RIMBP2: variants seen among roughly 807,000 people sequenced by gnomAD.
RIMBP2 encodes the protein RIMS-binding protein 2.
In RIMBP2, 48 loss-of-function variants were observed where a neutral mutation model predicts 118.6. The observed-to-expected ratio is 0.40, with a 90% CI of 0.32 to 0.51. The LOEUF (loss-of-function observed/expected upper bound fraction) is 0.51, where lower values mean the gene tolerates loss of function less well. Among genes scored for constraint, RIMBP2 ranks in the 20% least tolerant of loss-of-function variants. The pLI is 0.41. For synonymous variants in RIMBP2, 762 were observed against 742.9 expected, an observed-to-expected ratio of 1.03 and a Z score of -0.42; for missense variants, 1,551 against 1,768.3, an observed-to-expected ratio of 0.88 and a Z score of 2.20.
At chr12:130,462,921 A>C (rs1327647001) in intron 6 of RIMBP2, among the ~76,000 whole-genome samples, 1 of 152,108 alleles carries the variant, frequency 6.6e-6, no homozygotes, top group Non-Finnish European at 1.5e-5. Flanking sequence ...AGCCTCCCCC[A>C]CCTCAAATTC....
chr12:130,491,400 C>T (rs962307500), intron 4 of RIMBP2, among the ~76,000 whole-genome samples: 3 of 152,206 alleles, frequency 2.0e-5, no homozygotes, highest in African/African-American at 7.2e-5. Flanking sequence ...CAGGACCTCT[C>T]TCATATTTGC....
intron 2 of RIMBP2, among the ~76,000 whole-genome samples, chr12:130,583,491 C>T (rs2058609768): frequency 6.7e-6 from 1 of 150,116 alleles, no homozygotes; most frequent in Admixed American, 6.6e-5. Context: ...ATCACCTCAT[C>T]ACCATCATCA....
At chr12:130,636,094 T>G (rs1289000601) in intron 1 of RIMBP2, among the ~76,000 whole-genome samples, 2 of 152,172 alleles carry the variant, frequency 1.3e-5, no homozygotes, top group Non-Finnish European at 2.9e-5. Flanking sequence ...GATGAACTAC[T>G]CCTTCCAAGA....
chr12:130,528,407 A>G (rs1393233821), intron 2 of RIMBP2, among the ~76,000 whole-genome samples: 1 of 152,220 alleles, frequency 6.6e-6, no homozygotes, highest in Non-Finnish European at 1.5e-5. Flanking sequence ...AGAAGAGAAC[A>G]CATGGACATA....
intron 15 of RIMBP2, chr12:130,427,843 G>A (rs759202915): frequency 6.5e-4 from 131 of 202,080 alleles, no homozygotes; most frequent in Non-Finnish European, 1.1e-3. Flanking sequence ...CTCGGCTGCC[G>A]ATTCTCTCGA....
intron 2 of RIMBP2, among the ~76,000 whole-genome samples, chr12:130,561,963 A>G (rs939926680): frequency 6.6e-6 from 1 of 152,166 alleles, no homozygotes; most frequent in Non-Finnish European, 1.5e-5. Flanking sequence ...CTGTCAAAAA[A>G]TGTTAAAATA....
At chr12:130,441,444 A>T (rs1454288372) in intron 11 of RIMBP2, among the ~76,000 whole-genome samples, 3 of 135,460 alleles carry the variant, frequency 2.2e-5, no homozygotes, top group African/African-American at 8.0e-5. Context: ...TAATAATAAT[A>T]ATAATTTACA....
intron 6 of RIMBP2, among the ~76,000 whole-genome samples, chr12:130,462,539 G>C (rs1039031072): frequency 4.6e-5 from 7 of 152,292 alleles, no homozygotes; most frequent in Middle Eastern, 3.4e-3. Context: ...ACACATCTTA[G>C]CACTGCCTCA....
rs902114417 is a variant in RIMBP2, at chr12:130,431,511, T to C, written c.2254-3174A>G. On this transcript the variant is annotated intron_variant, in intron 14 of 22. Coordinates refer to ENST00000690449, the MANE Select transcript of RIMBP2 (RefSeq NM_001393629.1). This position sits in a 1 kb window ranked among gnomAD's most constrained non-coding sequence, Gnocchi z 4.0. ...TATTTAACGTTACTTTTAAAGAAAATATCTCAACTGTAAATGGAAAATAAG... is the reference window on the plus strand; with the variant it reads ...TATTTAACGTTACTTTTAAAGAAAACATCTCAACTGTAAATGGAAAATAAG... 9.3e-6 allele frequency: 3 copies of C among 323,642 alleles called. No individual in the cohort carries two copies. The highest frequency in any genetic ancestry group is 2.7e-5 in the South Asian group (1 of 36,644). The allele number at this position is 323,642 out of a possible 1,614,324, so 20.0% of individuals were successfully genotyped here.
chr12:130,440,786 GCAGCGTCTGTCC>G (rs1325734955), intron 11 of RIMBP2, among the ~76,000 whole-genome samples: 1 of 152,214 alleles, frequency 6.6e-6, no homozygotes, highest in East Asian at 1.9e-4. Flanking sequence ...TCCCCCTCAG[GCAGCGTCTGTCC>G]CACCTACCCC....
At chr12:130,713,229 G>GGAAGGAAGGAAGGAAGGAAGGAAGATAT (rs1950069763) in intron 1 of RIMBP2, among the ~76,000 whole-genome samples, 2 of 142,784 alleles carry the variant, frequency 1.4e-5, no homozygotes, top group African/African-American at 5.3e-5. Flanking sequence ...AAGGAAGGAA[G>GGAAGGAAGGAAGGAAGGAAGGAAGATAT]GAAGGAAGGA....
chr12:130,640,451 A>G (rs1294284771), intron 1 of RIMBP2, among the ~76,000 whole-genome samples: 1 of 152,246 alleles, frequency 6.6e-6, no homozygotes, highest in African/African-American at 2.4e-5. Context: ...ATTTTCTAAA[A>G]TAAAGTTATG....
intron 13 of RIMBP2, among the ~76,000 whole-genome samples, chr12:130,435,329 C>A (rs1245164179): frequency 1.3e-5 from 2 of 152,204 alleles, no homozygotes; most frequent in African/African-American, 4.8e-5. Context: ...CAGGCATGAG[C>A]CACCGCGTCC....
At chr12:130,636,585 T>G (rs1051629885) in intron 1 of RIMBP2, among the ~76,000 whole-genome samples, 1 of 152,190 alleles carries the variant, frequency 6.6e-6, no homozygotes, top group Non-Finnish European at 1.5e-5. Flanking sequence ...TAGCCCAGTG[T>G]TGAGTATGTG....
intron 2 of RIMBP2, among the ~76,000 whole-genome samples, chr12:130,571,972 C>G (rs775749349): frequency 6.6e-6 from 1 of 152,216 alleles, no homozygotes; most frequent in Non-Finnish European, 1.5e-5. Context: ...GTCGGCCTGT[C>G]CCGGCGCCCT....
intron 1 of RIMBP2, among the ~76,000 whole-genome samples, chr12:130,706,597 C>T (rs2066133731): frequency 6.6e-6 from 1 of 152,258 alleles, no homozygotes; most frequent in Non-Finnish European, 1.5e-5. Flanking sequence ...CAGGGGCAGG[C>T]GCTCTGGCGA....
chr12:130,706,469 T>C (rs541346415), intron 1 of RIMBP2, among the ~76,000 whole-genome samples: 1 of 152,250 alleles, frequency 6.6e-6, no homozygotes, highest in Non-Finnish European at 1.5e-5. Flanking sequence ...CCTGTGACTG[T>C]GGCTAATTCC....
intron 4 of RIMBP2, among the ~76,000 whole-genome samples, chr12:130,483,476 A>T (rs977602898): frequency 1.3e-5 from 2 of 152,252 alleles, no homozygotes; most frequent in Non-Finnish European, 2.9e-5. Flanking sequence ...CTTTTTATAA[A>T]CAAAGGGGAT....
intron 2 of RIMBP2, among the ~76,000 whole-genome samples, chr12:130,547,802 ATTC>A (rs2055328923): frequency 6.6e-6 from 1 of 152,222 alleles, no homozygotes; most frequent in East Asian, 1.9e-4. Context: ...ACTCTCCAGT[ATTC>A]TTCTGTTTTT....
Sources: gnomAD v4.1 joint callset for allele counts (sites outside exome capture counted in the v4.1 genomes callset) on GRCh38, gnomAD v4.1.1 for gene constraint, Gnocchi (gnomAD v3.1) non-coding constraint, MANE v1.5 for transcripts, NCBI Gene and HGNC (gene_info 2026-07-23, HGNC 2026-07-21) for gene names.